Variants in MBOAT2 observed in about 807,000 individuals in gnomAD.
MBOAT2 encodes membrane bound glycerophospholipid O-acyltransferase 2.
MBOAT2 carries 28 observed loss-of-function variants against 63.4 expected under a neutral mutation model. The observed-to-expected ratio is 0.44, with a 90% CI of 0.33 to 0.61. The LOEUF (loss-of-function observed/expected upper bound fraction) is 0.61, where lower values mean the gene tolerates loss of function less well. MBOAT2 is among the 20% of genes least tolerant of loss of function. MBOAT2 has a pLI of 0.03. For missense variants in MBOAT2, 470 were observed against 605.8 expected, an observed-to-expected ratio of 0.78 and a Z score of 2.35; for synonymous variants, 211 against 215.6, an observed-to-expected ratio of 0.98 and a Z score of 0.19.
At chr2:8,997,560 C>A (rs1347277596) in intron 1 of MBOAT2, among the ~76,000 whole-genome samples, 2 of 152,096 alleles carry the variant, frequency 1.3e-5, no homozygotes, top group East Asian at 3.8e-4. Flanking sequence ...TACATATGAA[C>A]AGATGTTAAC....
intron 4 of MBOAT2, among the ~76,000 whole-genome samples, chr2:8,898,269 G>A (rs1664637886): frequency 6.6e-6 from 1 of 152,176 alleles, no homozygotes; most frequent in Admixed American, 6.5e-5. Flanking sequence ...TACTAGATGA[G>A]TATTTGCCCT....
intron 1 of MBOAT2, among the ~76,000 whole-genome samples, chr2:8,998,594 G>A (rs560382352): frequency 2.6e-5 from 4 of 151,864 alleles, no homozygotes; most frequent in South Asian, 2.1e-4. Context: ...TTATCTGCAC[G>A]GTGCAGGGGA....
intron 1 of MBOAT2, among the ~76,000 whole-genome samples, chr2:8,989,867 C>T (rs1168005435): frequency 6.6e-6 from 1 of 152,182 alleles, no homozygotes; most frequent in African/African-American, 2.4e-5. Flanking sequence ...CTTTATTTCA[C>T]ACAAGCAGTT....
intron 2 of MBOAT2, among the ~76,000 whole-genome samples, chr2:8,954,054 T>C (rs896137075): frequency 1.4e-4 from 22 of 152,236 alleles, no homozygotes; most frequent in African/African-American, 5.3e-4. Context: ...ATTATTTTCA[T>C]GCAGGTAAGA....
Position 8,856,319 on chromosome 2 carries a change from AC to A in MBOAT2, c.*2359del, listed in dbSNP as rs1661082892. ...TAGGCTGAACCAAAAAAAAACACAC[AC>A]ACACACACACACACACACACGAACA... On this transcript the variant is annotated 3_prime_UTR_variant, in exon 13 of 13. Coordinates refer to ENST00000305997, the MANE Select transcript of MBOAT2 (RefSeq NM_138799.4). The surrounding 1 kb of genome is among the most constrained non-coding windows in gnomAD (Gnocchi z 4.2). 6.6e-6 allele frequency: 1 copy of A among 151,570 alleles called. No individual in the cohort carries two copies. Among genetic ancestry groups the A allele is most frequent in the Admixed American group, 6.6e-5 (1 of 15,190 alleles). The allele number at this position is 151,570 out of a possible 1,614,324, so 9.4% of individuals were successfully genotyped here. A position where few individuals can be genotyped will look rare whatever the true frequency, so the allele number is the denominator to read the frequency against.
At chr2:8,942,117 G>T (rs1251293780) in intron 3 of MBOAT2, among the ~76,000 whole-genome samples, 4 of 152,180 alleles carry the variant, frequency 2.6e-5, no homozygotes, top group Non-Finnish European at 4.4e-5. Context: ...ACTTGTAAGG[G>T]TTGGTTTACA....
intron 3 of MBOAT2, among the ~76,000 whole-genome samples, chr2:8,934,577 A>G (rs1299297403): frequency 1.3e-5 from 2 of 152,222 alleles, no homozygotes; most frequent in Non-Finnish European, 2.9e-5. Flanking sequence ...CAAAAAATCA[A>G]TTTTAGAATT....
chr2:8,971,745 C>G (rs1175807862), intron 1 of MBOAT2, among the ~76,000 whole-genome samples: 1 of 152,168 alleles, frequency 6.6e-6, no homozygotes, highest in Non-Finnish European at 1.5e-5. Context: ...AGAGCCAAAT[C>G]ATGAGTGAAC....
At chr2:8,937,839 G>T (rs1667771791) in intron 3 of MBOAT2, among the ~76,000 whole-genome samples, 1 of 152,136 alleles carries the variant, frequency 6.6e-6, no homozygotes, top group African/African-American at 2.4e-5. Flanking sequence ...CTAGGCCCTG[G>T]GGATGAAGCC....
intron 1 of MBOAT2, among the ~76,000 whole-genome samples, chr2:8,967,426 T>C (rs74374441): frequency 2.2e-3 from 328 of 152,356 alleles, no homozygotes; most frequent in African/African-American, 7.4e-3. Flanking sequence ...GCAGATACCC[T>C]GCTCAAAGAG....
chr2:8,959,969 T>C (rs958353863), intron 1 of MBOAT2, among the ~76,000 whole-genome samples: 4 of 152,174 alleles, frequency 2.6e-5, no homozygotes, highest in Non-Finnish European at 4.4e-5. Flanking sequence ...CATAGAAATA[T>C]CTCTGCCTAA....
At chr2:9,001,584 C>T (rs1672693506) in intron 1 of MBOAT2, among the ~76,000 whole-genome samples, 1 of 152,170 alleles carries the variant, frequency 6.6e-6, no homozygotes, top group Non-Finnish European at 1.5e-5. Flanking sequence ...CATGGCTGTA[C>T]AAATTTAGAG....
At chr2:8,973,268 G>A (rs542180984) in intron 1 of MBOAT2, among the ~76,000 whole-genome samples, 5 of 149,322 alleles carry the variant, frequency 3.3e-5, no homozygotes, top group African/African-American at 4.9e-5. Context: ...CTATCACAGG[G>A]ATAAAAAACC....
chr2:8,933,826 C>T (rs1426674184), intron 3 of MBOAT2, among the ~76,000 whole-genome samples: 1 of 152,050 alleles, frequency 6.6e-6, no homozygotes, highest in Admixed American at 6.6e-5. Flanking sequence ...CTTATCAACC[C>T]TCTAATTAAC....
chr2:8,857,412 T>C lies in MBOAT2; in HGVS notation c.*1267A>G, dbSNP rs941921460. 6.6e-6 allele frequency: 1 copy of C among 152,366 alleles called. No homozygotes were observed. Among genetic ancestry groups the C allele is most frequent in the Admixed American group, 6.5e-5 (1 of 15,288 alleles). The allele number at this position is 152,366 out of a possible 1,614,324, so 9.4% of individuals were successfully genotyped here. On this transcript the variant is annotated 3_prime_UTR_variant, in exon 13 of 13. Coordinates refer to ENST00000305997, the MANE Select transcript of MBOAT2 (RefSeq NM_138799.4). ...AGATGCTTAGTAATCCAAGGCAAGA[T>C]TAGTTGTGGTAAAAATGGCCCATAA...
chr2:8,938,896 C>T (rs555897569), intron 3 of MBOAT2, among the ~76,000 whole-genome samples: 22 of 152,196 alleles, frequency 1.4e-4, no homozygotes, highest in Non-Finnish European at 2.6e-4. Flanking sequence ...ATTCACATAC[C>T]ATGCCCCCCA....
chr2:8,892,819 G>A (rs1039653953), intron 4 of MBOAT2, among the ~76,000 whole-genome samples: 1 of 152,070 alleles, frequency 6.6e-6, no homozygotes, highest in Admixed American at 6.6e-5. Flanking sequence ...AGGAAGAAGT[G>A]TGACTGGCAT....
chr2:8,969,492 T>G (rs1171931895), intron 1 of MBOAT2, among the ~76,000 whole-genome samples: 1 of 152,172 alleles, frequency 6.6e-6, no homozygotes, highest in Non-Finnish European at 1.5e-5. Context: ...GCTAACATCT[T>G]AATGACAGGA....
chr2:8,964,410 T>C (rs1220062227), intron 1 of MBOAT2, among the ~76,000 whole-genome samples: 3 of 151,790 alleles, frequency 2.0e-5, no homozygotes, highest in South Asian at 4.2e-4. Flanking sequence ...TTATATTTCA[T>C]TGTGTTAATA....
Sources: gnomAD v4.1 joint callset for allele counts (sites outside exome capture counted in the v4.1 genomes callset) on GRCh38, gnomAD v4.1.1 for gene constraint, Gnocchi (gnomAD v3.1) non-coding constraint, MANE v1.5 for transcripts, NCBI Gene and HGNC (gene_info 2026-07-23, HGNC 2026-07-21) for gene names.